The following IKBKE variants were observed in gnomAD, a reference collection of about 807,000 sequenced individuals.
The protein encoded by IKBKE is inhibitor of nuclear factor kappa B kinase subunit epsilon.
A neutral mutation model predicts 92.1 loss-of-function variants in IKBKE; 45 were observed. That is an observed-to-expected ratio of 0.49 (90% CI 0.38 to 0.63). The LOEUF is 0.63. Ranked by LOEUF, IKBKE falls within the 20% of genes least tolerant of loss-of-function variation. The probability of loss-of-function intolerance (pLI) is 0.00; values close to 1 mark genes in which losing one functional copy is unlikely to be tolerated. For synonymous variants in IKBKE, 374 were observed against 380.3 expected, an observed-to-expected ratio of 0.98 and a Z score of 0.19; for missense variants, 700 against 932.8, an observed-to-expected ratio of 0.75 and a Z score of 3.25.
At chr1:206,474,756 G>T in intron 4 of IKBKE, 109 bp from the exon 5 acceptor site, 1 of 1,356,020 alleles carries the variant, frequency 7.4e-7, no homozygotes. Context: ...CAGGCCAGAA[G>T]CTGGGACCTG....
Position 206,485,116 on chromosome 1 carries a change from G to A in IKBKE, c.1503+44G>A. 1 of 1,599,346 alleles carries A rather than the reference G, an allele frequency of 6.3e-7. No homozygotes were observed. The highest frequency in any genetic ancestry group is 8.6e-7 in the Non-Finnish European group (1 of 1,166,600). On this transcript the variant is annotated intron_variant, in intron 14 of 21. Coordinates refer to ENST00000581977, the MANE Select transcript of IKBKE (RefSeq NM_014002.4). The surrounding 1 kb of genome is among the most constrained non-coding windows in gnomAD (Gnocchi z 5.0). Reference sequence around the variant, plus strand: ...CAAGGGCTTAGCAGGATCAGAGCTGGGGGCCCGTGTTCCAGCCAGCCTGCC... The same window carrying A: ...CAAGGGCTTAGCAGGATCAGAGCTGAGGGCCCGTGTTCCAGCCAGCCTGCC...
chr1:206,484,889 G>A lies in IKBKE; in HGVS notation c.1428-108G>A, dbSNP rs1665574007. The A allele has an allele frequency of 3.4e-6, 3 of 883,732 alleles. No homozygotes were observed. The East Asian group carries it at 7.4e-5, about 22-fold the overall frequency. The allele number at this position is 883,732 out of a possible 1,614,324, so 54.7% of individuals were successfully genotyped here. On this transcript the variant is annotated intron_variant, in intron 13 of 21. Transcript: ENST00000581977. ...TCCCAGAGACCCGGAGAGCCACCAA[G>A]GCTGTCCCACAGATGCTATGCCCAG...
chr1:206,477,606 A>G (rs1572242650), intron 7 of IKBKE, 143 bp from the exon 8 acceptor site: 1 of 607,356 alleles, frequency 1.6e-6, no homozygotes, highest in African/African-American at 1.9e-5. Context: ...GCTGAGAGCC[A>G]GGTTTCTCAC....
At chr1:206,491,149 C>T in intron 17 of IKBKE, 1 of 499,872 alleles carries the variant, frequency 2.0e-6, no homozygotes, top group Non-Finnish European at 3.6e-6. Context: ...CCACTTACCA[C>T]TTCCTGCTTC....
At position 206,471,634 on chromosome 1, in the gene IKBKE, G is replaced by T. The variant is rs1664778255; in HGVS notation, c.-33+389G>T. Among the ~76,000 whole-genome samples the T allele has an allele frequency of 2.0e-5, 3 of 152,146 alleles. 1 individual carries two copies. In the South Asian group the frequency reaches 6.2e-4, roughly 32 times the overall value. ...CCCCCAGACCTGCTGGCTGCCTCCA[G>T]CCTCAGCGGGGAAAACCAGACCCAC... On this transcript the variant is annotated intron_variant, in intron 2 of 21. Coordinates refer to ENST00000581977, the MANE Select transcript of IKBKE (RefSeq NM_014002.4).
chr1:206,474,606 G>T, intron 4 of IKBKE, 135 bp downstream of exon 4: 3 of 958,520 alleles, frequency 3.1e-6, no homozygotes, highest in Non-Finnish European at 3.1e-6. Flanking sequence ...TTGCAGAAGG[G>T]AGCAAAGGGG....
rs547532408 is a variant in IKBKE, at chr1:206,473,172, G to A, written c.-32-24G>A. The A allele has an allele frequency of 5.0e-6, 7 of 1,412,176 alleles. No individual in the cohort carries two copies. In the South Asian group the frequency reaches 8.5e-5, roughly 17 times the overall value. The allele number at this position is 1,412,176 out of a possible 1,614,324, so 87.5% of individuals were successfully genotyped here. On this transcript the variant is annotated intron_variant, in intron 2 of 21. Coordinates refer to ENST00000581977, the MANE Select transcript of IKBKE (RefSeq NM_014002.4). ...CCCTGTGCCAGGAATGGAATCCTGG[G>A]CCCCCAGCATGCTCTTTCTCTAGGC... is the stretch of plus-strand genomic sequence containing the variant.
In IKBKE at chr1:206,477,733, G is replaced by C; in HGVS notation, c.702-16G>C. 1 of 1,501,594 alleles carries C rather than the reference G, an allele frequency of 6.7e-7. No homozygotes were observed. The allele number at this position is 1,501,594 out of a possible 1,614,324, so 93.0% of individuals were successfully genotyped here. A position where few individuals can be genotyped will look rare whatever the true frequency, so the allele number is the denominator to read the frequency against. ...GATAGCTGGGGATCCCGCTGACCTGGCCTTCCTCCCCGCAGGTACCGGATC... is the reference window on the plus strand; with the variant it reads ...GATAGCTGGGGATCCCGCTGACCTGCCCTTCCTCCCCGCAGGTACCGGATC... On this transcript the variant is annotated splice_polypyrimidine_tract_variant and intron_variant, in intron 7 of 21. Transcript: ENST00000581977.
chr1:206,475,737 CAA>C (rs535787711), intron 5 of IKBKE, among the ~76,000 whole-genome samples: 15 of 92,670 alleles, frequency 1.6e-4, no homozygotes, highest in Admixed American at 2.2e-4. Flanking sequence ...ACTCTGTCTC[CAA>C]AAAAAAAAAA....
In IKBKE at chr1:206,476,230, C is replaced by T. The variant is rs782697959; in HGVS notation, c.408C>T (p.Ile136=). 4 of 1,614,056 alleles carry T rather than the reference C, an allele frequency of 2.5e-6. No homozygotes were observed. The highest frequency in any genetic ancestry group is 3.4e-6 in the Non-Finnish European group (4 of 1,180,040). ...AGAACGGCATTGTGCATCGCGACAT[C>T]AAGCCGGGGAACATCATGCGCCTCG... ...LRENGIVHRD[I]KPGNIMRLVG... is the part of the protein sequence containing the mutation. Residue 136 remains isoleucine (I), a synonymous_variant, in exon 6 of 22, where the codon ATC becomes ATT. Coordinates refer to ENST00000581977, the MANE Select transcript of IKBKE (RefSeq NM_014002.4). This position sits in a 1 kb window ranked among gnomAD's most constrained non-coding sequence, Gnocchi z 5.1.
At chr1:206,489,955 G>C (rs1665864060) in intron 16 of IKBKE, among the ~76,000 whole-genome samples, 1 of 152,108 alleles carries the variant, frequency 6.6e-6, no homozygotes, top group Non-Finnish European at 1.5e-5. Flanking sequence ...TAAAATGCCC[G>C]GTGGTCTTCA....
At chr1:206,494,591 T>TCTG (rs1666125991) in intron 21 of IKBKE, among the ~76,000 whole-genome samples, 2 of 139,588 alleles carry the variant, frequency 1.4e-5, no homozygotes, top group Non-Finnish European at 3.1e-5. Flanking sequence ...AAAAGTTCTT[T>TCTG]CTTTTTTTTT....
In IKBKE at chr1:206,476,122, C is replaced by A. The variant is rs994510879; in HGVS notation, c.359-59C>A. Reference sequence around the variant, plus strand: ...GGACAGCCTTCCCACCAAGATGAGCCTCAGACACTAGACTGTCCCCGACCA... The same window carrying A: ...GGACAGCCTTCCCACCAAGATGAGCATCAGACACTAGACTGTCCCCGACCA... On this transcript the variant is annotated intron_variant, in intron 5 of 21. Transcript: ENST00000581977. The surrounding 1 kb of genome is among the most constrained non-coding windows in gnomAD (Gnocchi z 5.1). 2 of 1,552,670 alleles carry A rather than the reference C, an allele frequency of 1.3e-6. No homozygotes were observed. The highest frequency in any genetic ancestry group is 4.5e-5 in the East Asian group (2 of 44,236).
rs191265613 is a variant in IKBKE at position 206,472,556 on chromosome 1, A to G, written c.-32-640A>G. ...ACACACACCCACACCCTTCTCCCCA[A>G]CGCCCTACACACATACACACACACA... On this transcript the variant is annotated intron_variant, in intron 2 of 21. Coordinates refer to ENST00000581977, the MANE Select transcript of IKBKE (RefSeq NM_014002.4). 2.5e-3 allele frequency among the ~76,000 whole-genome samples: 374 copies of G among 149,216 alleles called. 1 individual carries two copies. Among genetic ancestry groups the G allele is most frequent in the African/African-American group, 9.2e-3 (368 of 40,162 alleles).
chr1:206,474,818 G>A, intron 4 of IKBKE, 47 bp from the exon 5 acceptor site: 2 of 1,598,960 alleles, frequency 1.3e-6, no homozygotes, highest in Non-Finnish European at 1.7e-6. Flanking sequence ...TGGTGGGTGG[G>A]GAGGAGAAGT....
chr1:206,489,517 A>G (rs551256439), intron 16 of IKBKE, among the ~76,000 whole-genome samples: 1 of 151,758 alleles, frequency 6.6e-6, no homozygotes, highest in African/African-American at 2.4e-5. Context: ...AGCCTGGGCA[A>G]CATAGCAAGA....
At position 206,485,697 on chromosome 1, in the gene IKBKE, A is replaced by G. The variant is rs1665616394; in HGVS notation, c.1616+391A>G. Among the ~76,000 whole-genome samples the G allele has an allele frequency of 1.3e-5, 2 of 152,224 alleles. No homozygotes were observed. The highest frequency in any genetic ancestry group is 4.1e-4 in the South Asian group (2 of 4,834). On this transcript the variant is annotated intron_variant, in intron 15 of 21. Coordinates refer to ENST00000581977, the MANE Select transcript of IKBKE (RefSeq NM_014002.4). This position sits in a 1 kb window ranked among gnomAD's most constrained non-coding sequence, Gnocchi z 5.0. ...GATGCTATGATAATGCCCTTTTTAT[A>G]GAACCTCAGTCAGTGAGGTTAACTT...
chr1:206,494,048 G>A, intron 21 of IKBKE, 57 bp downstream of exon 21: 1 of 1,492,554 alleles, frequency 6.7e-7, no homozygotes, highest in East Asian at 2.3e-5. Context: ...ACCCTTGCCT[G>A]GGGGTGGTGA....
chr1:206,495,066 C>T (rs1381614419), intron 21 of IKBKE, among the ~76,000 whole-genome samples: 1 of 151,676 alleles, frequency 6.6e-6, no homozygotes, highest in Admixed American at 6.6e-5. Context: ...GAGAGATAAC[C>T]TCAGGATAAA....
Sources: allele counts gnomAD v4.1 joint callset (sites outside exome capture counted in the v4.1 genomes callset), GRCh38; gene constraint gnomAD v4.1.1; non-coding constraint Gnocchi (gnomAD v3.1); transcripts MANE v1.5; gene names NCBI Gene and HGNC (gene_info 2026-07-23, HGNC 2026-07-21).